Variants in MSI2 observed in about 807,000 individuals in gnomAD.
MSI2 encodes RNA-binding protein Musashi homolog 2.
MSI2 carries 17 observed loss-of-function variants against 45.6 expected under a neutral mutation model. The observed-to-expected ratio is 0.37, with a 90% CI of 0.26 to 0.56. The LOEUF (loss-of-function observed/expected upper bound fraction) is 0.56, where lower values mean the gene tolerates loss of function less well. Among genes scored for constraint, MSI2 ranks in the 20% least tolerant of loss-of-function variants. The probability of loss-of-function intolerance (pLI) is 0.77; values close to 1 mark genes in which losing one functional copy is unlikely to be tolerated. For missense variants in MSI2, 293 were observed against 444.2 expected, an observed-to-expected ratio of 0.66 and a Z score of 3.06; for synonymous variants, 156 against 158.2, an observed-to-expected ratio of 0.99 and a Z score of 0.11.
intron 6 of MSI2, among the ~76,000 whole-genome samples, chr17:57,453,069 T>TCTTG (rs1391152250): frequency 3.3e-5 from 5 of 150,344 alleles, no homozygotes; most frequent in Admixed American, 2.0e-4. Flanking sequence ...AGTGGTGCAG[T>TCTTG]CTTGGCTCAC....
intron 10 of MSI2, among the ~76,000 whole-genome samples, chr17:57,647,647 CT>C (rs1005734057): frequency 3.6e-4 from 52 of 146,140 alleles, no homozygotes; most frequent in African/African-American, 6.2e-4. Context: ...CATTTTTTTT[CT>C]TTTTTTTTTT....
At chr17:57,420,050 C>G (rs2084367166) in intron 6 of MSI2, among the ~76,000 whole-genome samples, 1 of 152,230 alleles carries the variant, frequency 6.6e-6, no homozygotes, top group Non-Finnish European at 1.5e-5. Context: ...CCAAGATGAT[C>G]TGACGACCTT....
At chr17:57,401,266 A>G in intron 5 of MSI2, 113 bp from the exon 6 acceptor site, 1 of 839,224 alleles carries the variant, frequency 1.2e-6, no homozygotes, top group Non-Finnish European at 2.0e-6. Flanking sequence ...GCTTGAATAT[A>G]TCTAAAATTG....
chr17:57,276,204 C>T (rs1908830797), intron 5 of MSI2, among the ~76,000 whole-genome samples: 2 of 152,338 alleles, frequency 1.3e-5, no homozygotes, highest in South Asian at 4.1e-4. Flanking sequence ...AATTTCAGCA[C>T]ATGAAAGTGG....
intron 5 of MSI2, among the ~76,000 whole-genome samples, chr17:57,272,872 G>A (rs1350134389): frequency 6.6e-6 from 1 of 152,172 alleles, no homozygotes; most frequent in African/African-American, 2.4e-5. Flanking sequence ...GTGTATAGTG[G>A]AGTGGGTGGA....
At chr17:57,483,510 C>T (rs2085690642) in intron 6 of MSI2, among the ~76,000 whole-genome samples, 1 of 152,108 alleles carries the variant, frequency 6.6e-6, no homozygotes, top group Admixed American at 6.6e-5. Context: ...TTTTGCGGGG[C>T]CACGCTTTGA....
chr17:57,506,012 AG>A (rs2086220466), intron 6 of MSI2, among the ~76,000 whole-genome samples: 1 of 152,208 alleles, frequency 6.6e-6, no homozygotes. Flanking sequence ...TCTTTAAAAC[AG>A]AGTTTCATGC....
chr17:57,634,827 T>A (rs1465246121), intron 10 of MSI2, among the ~76,000 whole-genome samples: 5 of 152,206 alleles, frequency 3.3e-5, no homozygotes, highest in Non-Finnish European at 7.3e-5. Context: ...AGCATAAGAC[T>A]CCACCTCATA....
intron 6 of MSI2, among the ~76,000 whole-genome samples, chr17:57,484,165 C>T (rs535333176): frequency 6.6e-6 from 1 of 152,364 alleles, no homozygotes; most frequent in Admixed American, 6.5e-5. Flanking sequence ...GGCTCACCTT[C>T]CTCCCTGTGA....
chr17:57,263,070 C>T (rs943452938), intron 5 of MSI2, among the ~76,000 whole-genome samples: 4 of 152,286 alleles, frequency 2.6e-5, no homozygotes, highest in Admixed American at 6.5e-5. Context: ...GCTTCTAAGT[C>T]GGAAAAGGTT....
chr17:57,382,098 G>A (rs2083607427), intron 5 of MSI2, among the ~76,000 whole-genome samples: 1 of 152,192 alleles, frequency 6.6e-6, no homozygotes. Context: ...AAACAATAGT[G>A]TATGTGACTG....
chr17:57,416,860 G>A (rs888765087), intron 6 of MSI2, among the ~76,000 whole-genome samples: 1 of 152,198 alleles, frequency 6.6e-6, no homozygotes, highest in Non-Finnish European at 1.5e-5. Flanking sequence ...CTGTTGAAAG[G>A]TCCTAAGGTG....
chr17:57,505,987 GC>G (rs1400393021), intron 6 of MSI2, among the ~76,000 whole-genome samples: 4 of 152,092 alleles, frequency 2.6e-5, no homozygotes, highest in African/African-American at 9.7e-5. Flanking sequence ...CTTCCTGATG[GC>G]CCCCTCCAGA....
intron 10 of MSI2, chr17:57,631,495 G>A (rs1460804388): frequency 2.9e-6 from 1 of 339,414 alleles, no homozygotes; most frequent in African/African-American, 2.1e-5. Context: ...ACCTGGCTGT[G>A]CCCATCTTCA....
intron 10 of MSI2, among the ~76,000 whole-genome samples, chr17:57,641,355 G>A (rs1250744024): frequency 1.3e-5 from 2 of 152,166 alleles, no homozygotes; most frequent in African/African-American, 4.8e-5. Context: ...CACTGGACTG[G>A]GGTCTAGGAT....
chr17:57,468,533 A>AAG (rs2085373688), intron 6 of MSI2, among the ~76,000 whole-genome samples: 2 of 151,126 alleles, frequency 1.3e-5, no homozygotes, highest in African/African-American at 4.9e-5. Flanking sequence ...AAAAAAAAAA[A>AAG]AAAAACAAGC....
intron 6 of MSI2, among the ~76,000 whole-genome samples, chr17:57,488,331 A>G (rs920446810): frequency 1.3e-5 from 2 of 152,212 alleles, no homozygotes; most frequent in Non-Finnish European, 2.9e-5. Context: ...AAAGATAATC[A>G]GCAATAGTTG....
intron 5 of MSI2, among the ~76,000 whole-genome samples, chr17:57,317,368 A>G (rs9894393): frequency 0.96 from 146,351 of 152,288 alleles, 70,354 homozygotes; most frequent in African/African-American, 0.99. Context: ...GAAAATTTTA[A>G]CCCCATCAGA....
intron 6 of MSI2, among the ~76,000 whole-genome samples, chr17:57,478,872 G>A (rs1262014797): frequency 6.6e-6 from 1 of 152,138 alleles, no homozygotes; most frequent in African/African-American, 2.4e-5. Flanking sequence ...TGAGAGAGTC[G>A]CTACTTTGTC....
Sources: gnomAD v4.1 joint callset for allele counts (sites outside exome capture counted in the v4.1 genomes callset) on GRCh38, gnomAD v4.1.1 for gene constraint, MANE v1.5 for transcripts, NCBI Gene and HGNC (gene_info 2026-07-23, HGNC 2026-07-21) for gene names.